Variants in ARHGAP24 observed in about 807,000 individuals in gnomAD.
ARHGAP24 encodes the protein Rho GTPase activating protein 24.
ARHGAP24 carries 50 observed loss-of-function variants against 76.4 expected under a neutral mutation model. The ratio of observed to expected loss-of-function variants is 0.65; its 90% CI spans 0.52 to 0.83. The LOEUF is 0.83. Ranked by LOEUF, ARHGAP24 falls within the 40% of genes least tolerant of loss-of-function variation. ARHGAP24 has a pLI of 0.00. For synonymous variants in ARHGAP24, 345 were observed against 323.3 expected (o/e 1.07, Z -0.72); for missense variants, 930 against 914.2 (o/e 1.02, Z -0.22).
chr4:85,619,726 C>A (rs920690768), intron 2 of ARHGAP24, among the ~76,000 whole-genome samples: 1 of 151,796 alleles, frequency 6.6e-6, no homozygotes, highest in Non-Finnish European at 1.5e-5. Flanking sequence ...AAATGGGATT[C>A]CTTCCTTGAT....
At chr4:85,706,119 C>A (rs1233528316) in intron 2 of ARHGAP24, among the ~76,000 whole-genome samples, 2 of 152,104 alleles carry the variant, frequency 1.3e-5, no homozygotes, top group African/African-American at 4.8e-5. Flanking sequence ...CTTCCTCAAG[C>A]TGGATGAAGA....
intron 3 of ARHGAP24, among the ~76,000 whole-genome samples, chr4:85,889,354 C>A (rs1251851675): frequency 6.6e-6 from 1 of 152,038 alleles, no homozygotes; most frequent in Non-Finnish European, 1.5e-5. Flanking sequence ...TAAATGCAGA[C>A]AAATTGTAAA....
chr4:85,986,164 C>T (rs745509776), intron 8 of ARHGAP24, among the ~76,000 whole-genome samples: 2 of 152,012 alleles, frequency 1.3e-5, no homozygotes, highest in Non-Finnish European at 2.9e-5. Flanking sequence ...CTATACATTC[C>T]TTACCATTAT....
rs542185779 is a variant in ARHGAP24, at chr4:85,952,815, G to A, written c.599+10542G>A. Among the ~76,000 whole-genome samples, 15 of 152,242 alleles carry A rather than the reference G, an allele frequency of 9.9e-5. No homozygotes were observed. The East Asian group carries it at 2.5e-3, about 25-fold the overall frequency. On this transcript the variant is annotated intron_variant, in intron 5 of 9. Transcript: ENST00000395184. Reference sequence around the variant, plus strand: ...TGTATTCTTTCAGTTCCTGTCAACTGTAAAAACAAACAAACAAAAGAAAAC... The same window carrying A: ...TGTATTCTTTCAGTTCCTGTCAACTATAAAAACAAACAAACAAAAGAAAAC...
intron 5 of ARHGAP24, among the ~76,000 whole-genome samples, chr4:85,961,626 T>C (rs1423034026): frequency 6.6e-6 from 1 of 152,148 alleles, no homozygotes; most frequent in African/African-American, 2.4e-5. Context: ...AAAGTCATTG[T>C]TGGGGACACA....
intron 3 of ARHGAP24, among the ~76,000 whole-genome samples, chr4:85,826,090 G>A (rs1021663685): frequency 5.3e-5 from 8 of 152,068 alleles, no homozygotes; most frequent in African/African-American, 1.9e-4. Flanking sequence ...CTCATAAGAC[G>A]GGTGGCCACA....
At chr4:85,661,759 C>T (rs562942873) in intron 2 of ARHGAP24, among the ~76,000 whole-genome samples, 197 of 151,688 alleles carry the variant, frequency 1.3e-3, no homozygotes, top group African/African-American at 4.6e-3. Context: ...TGAGTGAGAG[C>T]ATGCGGTGTT....
intron 3 of ARHGAP24, among the ~76,000 whole-genome samples, chr4:85,908,096 C>G (rs1487777160): frequency 1.3e-5 from 2 of 151,378 alleles, no homozygotes; most frequent in African/African-American, 4.9e-5. Context: ...CCTCACATGT[C>G]CTTATATTCC....
intron 3 of ARHGAP24, among the ~76,000 whole-genome samples, chr4:85,911,302 C>T (rs1735065007): frequency 6.6e-6 from 1 of 152,150 alleles, no homozygotes. Context: ...GCTTGTGCAG[C>T]TCTGGCAGTG....
chr4:85,599,128 A>T (rs1664995511), intron 2 of ARHGAP24, among the ~76,000 whole-genome samples: 7 of 152,142 alleles, frequency 4.6e-5, no homozygotes, highest in Admixed American at 4.6e-4. Flanking sequence ...ACACAAGTCT[A>T]AATGGTTTGC....
At chr4:85,874,991 T>A (rs1472050046) in intron 3 of ARHGAP24, among the ~76,000 whole-genome samples, 1 of 113,354 alleles carries the variant, frequency 8.8e-6, no homozygotes, top group African/African-American at 3.6e-5. Context: ...AATTTATATA[T>A]AAATATATAT....
At chr4:85,883,708 G>A (rs1450528132) in intron 3 of ARHGAP24, among the ~76,000 whole-genome samples, 1 of 152,174 alleles carries the variant, frequency 6.6e-6, no homozygotes, top group African/African-American at 2.4e-5. Context: ...AGAGTTTCTG[G>A]AGAAATGATA....
At chr4:85,761,758 G>C (rs2110073403) in intron 3 of ARHGAP24, among the ~76,000 whole-genome samples, 1 of 152,238 alleles carries the variant, frequency 6.6e-6, no homozygotes, top group Middle Eastern at 3.4e-3. Context: ...CAGAAGCAGT[G>C]GCTATCTCAA....
At chr4:85,749,622 AG>A (rs1726181916) in intron 3 of ARHGAP24, among the ~76,000 whole-genome samples, 1 of 152,144 alleles carries the variant, frequency 6.6e-6, no homozygotes, top group Non-Finnish European at 1.5e-5. Context: ...CCCAGGCTGG[AG>A]TGCAGTGGTG....
At chr4:85,984,685 G>T (rs988960222) in intron 8 of ARHGAP24, among the ~76,000 whole-genome samples, 29 of 152,160 alleles carry the variant, frequency 1.9e-4, no homozygotes, top group South Asian at 6.2e-4. Flanking sequence ...GGGAAGATTG[G>T]TGAAAGAATG....
intron 1 of ARHGAP24, among the ~76,000 whole-genome samples, chr4:85,481,364 G>A (rs1722809910): frequency 1.3e-5 from 2 of 152,228 alleles, no homozygotes; most frequent in African/African-American, 4.8e-5. Context: ...TTTCAATTAT[G>A]AATTTTCAAA....
chr4:85,646,043 A>G (rs930058858), intron 2 of ARHGAP24, among the ~76,000 whole-genome samples: 38 of 152,080 alleles, frequency 2.5e-4, no homozygotes, highest in African/African-American at 9.2e-4. Context: ...TCTTTTGTTG[A>G]AAATTTAACT....
rs192146592 is a variant in ARHGAP24, at chr4:85,845,397, G to A, written c.269-78251G>A. ...AATTGAGGCCAATGGAGATTAAGGC[G>A]CTTGTTCAAAGTTACATAGCTAGTA... is the stretch of plus-strand genomic sequence containing the variant. On this transcript the variant is annotated intron_variant, in intron 3 of 9. Coordinates refer to ENST00000395184, the MANE Select transcript of ARHGAP24 (RefSeq NM_001025616.3). Among the ~76,000 whole-genome samples the A allele has an allele frequency of 3.3e-3, 496 of 152,174 alleles. 6 individuals are homozygous for A. Among genetic ancestry groups the A allele is most frequent in the African/African-American group, 0.011 (468 of 41,512 alleles).
intron 3 of ARHGAP24, among the ~76,000 whole-genome samples, chr4:85,782,479 C>A (rs1727611012): frequency 6.6e-6 from 1 of 152,166 alleles, no homozygotes; most frequent in Non-Finnish European, 1.5e-5. Flanking sequence ...ACTGATAACA[C>A]CTTATAAGGG....
Sources: gnomAD v4.1 joint callset for allele counts (sites outside exome capture counted in the v4.1 genomes callset) on GRCh38, gnomAD v4.1.1 for gene constraint, MANE v1.5 for transcripts, NCBI Gene and HGNC (gene_info 2026-07-23, HGNC 2026-07-21) for gene names.